Variants in MEMO1 observed in about 807,000 individuals in gnomAD.
The protein encoded by MEMO1 is mediator of cell motility 1.
Under a neutral mutation model 45.2 loss-of-function variants are expected in MEMO1, and 6 were observed. That is an observed-to-expected ratio of 0.13 (90% CI 0.07 to 0.26). The LOEUF (loss-of-function observed/expected upper bound fraction) is 0.26. Among genes scored for constraint, MEMO1 ranks in the 10% least tolerant of loss-of-function variants. The pLI, the probability that MEMO1 is intolerant of heterozygous loss-of-function variation, is 1.00. For missense variants in MEMO1, 184 were observed against 370.5 expected, an observed-to-expected ratio of 0.50 and a Z score of 4.13; for synonymous variants, 78 against 124.3, an observed-to-expected ratio of 0.63 and a Z score of 2.48.
At chr2:31,886,111 T>C (rs1379413597) in intron 7 of MEMO1, among the ~76,000 whole-genome samples, 1 of 152,236 alleles carries the variant, frequency 6.6e-6, no homozygotes, top group Non-Finnish European at 1.5e-5. Context: ...AAATGCCATC[T>C]ACTTTTTGTT....
chr2:31,959,643 A>C (rs62142081), intron 2 of MEMO1, among the ~76,000 whole-genome samples: 35 of 152,330 alleles, frequency 2.3e-4, no homozygotes, highest in African/African-American at 7.9e-4. Context: ...TGGAGAAAGC[A>C]AATGAAAACT....
At chr2:31,897,428 C>T (rs935555667) in intron 6 of MEMO1, among the ~76,000 whole-genome samples, 3 of 152,014 alleles carry the variant, frequency 2.0e-5, no homozygotes, top group Admixed American at 6.6e-5. Context: ...TAGCATGAAG[C>T]GGTATTGAAT....
At chr2:32,001,811 T>C (rs901677318) in intron 2 of MEMO1, among the ~76,000 whole-genome samples, 3 of 152,142 alleles carry the variant, frequency 2.0e-5, no homozygotes, top group Non-Finnish European at 4.4e-5. Flanking sequence ...AAGACTTGCC[T>C]GCATTACCAA....
At chr2:31,975,302 T>C (rs889525067) in intron 2 of MEMO1, among the ~76,000 whole-genome samples, 2 of 152,242 alleles carry the variant, frequency 1.3e-5, no homozygotes, top group African/African-American at 4.8e-5. Flanking sequence ...GGATGATACC[T>C]AAATTATGCA....
chr2:31,950,056 C>T (rs1666656790), intron 2 of MEMO1, among the ~76,000 whole-genome samples: 3 of 152,190 alleles, frequency 2.0e-5, no homozygotes, highest in Admixed American at 2.0e-4. Flanking sequence ...TCATTTTACA[C>T]TTATTGGCAG....
chr2:31,961,618 C>A (rs868848608), intron 2 of MEMO1, among the ~76,000 whole-genome samples: 24 of 146,004 alleles, frequency 1.6e-4, no homozygotes, highest in Middle Eastern at 3.5e-3. Context: ...TAAAAAAAAA[C>A]AAAAAAAAAA....
At chr2:31,906,506 G>A (rs912708771) in intron 6 of MEMO1, among the ~76,000 whole-genome samples, 1 of 151,536 alleles carries the variant, frequency 6.6e-6, no homozygotes, top group Non-Finnish European at 1.5e-5. Flanking sequence ...TGTATCTTTA[G>A]TACAGATGGG....
intron 7 of MEMO1, among the ~76,000 whole-genome samples, chr2:31,887,920 A>C (rs1676426030): frequency 6.6e-6 from 1 of 152,164 alleles, no homozygotes; most frequent in African/African-American, 2.4e-5. Flanking sequence ...TAAAGAAGAA[A>C]TCTGAATGTT....
At chr2:32,001,568 CAGT>C in intron 2 of MEMO1, among the ~76,000 whole-genome samples, 1 of 152,212 alleles carries the variant, frequency 6.6e-6, no homozygotes, top group South Asian at 2.1e-4. Flanking sequence ...ATGGAAAGAA[CAGT>C]AGGCTTCAGC....
intron 2 of MEMO1, among the ~76,000 whole-genome samples, chr2:31,984,968 A>T (rs964242293): frequency 2.0e-5 from 3 of 152,248 alleles, no homozygotes; most frequent in African/African-American, 7.2e-5. Context: ...ACAGTAGGGG[A>T]AAATCGGTGA....
chr2:31,868,542 G>C, intron 9 of MEMO1, 50 bp from the exon 10 acceptor site: 1 of 1,514,230 alleles, frequency 6.6e-7, no homozygotes, highest in Non-Finnish European at 8.8e-7. Flanking sequence ...AAAAAACTGG[G>C]CACTCAATGT....
rs1424248692 is a variant in MEMO1, at chr2:31,998,794, C to G, written c.61+11393G>C. Among the ~76,000 whole-genome samples the G allele has an allele frequency of 4.7e-5, 7 of 149,798 alleles. No individual in the cohort carries two copies. In the South Asian group the frequency reaches 1.5e-3, roughly 32 times the overall value. On this transcript the variant is annotated intron_variant, in intron 2 of 9. Coordinates refer to ENST00000404530, the MANE Select transcript of MEMO1 (RefSeq NM_001301833.4). ...CAGCCCAGGAGACAATGTGAGACTC[C>G]GTCTCAAAAAAAAAAAAAAGAAAAA... is the stretch of plus-strand genomic sequence containing the variant.
At chr2:31,912,642 A>G (rs1680757739) in intron 6 of MEMO1, among the ~76,000 whole-genome samples, 1 of 152,166 alleles carries the variant, frequency 6.6e-6, no homozygotes, top group Non-Finnish European at 1.5e-5. Context: ...ATGCAAAAAA[A>G]CAGAACAAAG....
At chr2:31,914,961 TAAAAAAAAA>T (rs34556047) in intron 6 of MEMO1, among the ~76,000 whole-genome samples, 4 of 120,220 alleles carry the variant, frequency 3.3e-5, no homozygotes, top group African/African-American at 3.2e-5. Context: ...TGTCTCTTTT[TAAAAAAAAA>T]AAAAAAAAAA....
chr2:31,916,702 T>G (rs1681497640), intron 6 of MEMO1, among the ~76,000 whole-genome samples: 1 of 152,210 alleles, frequency 6.6e-6, no homozygotes, highest in Non-Finnish European at 1.5e-5. Context: ...TAGGATGTAT[T>G]AAAAACCCTA....
chr2:31,937,567 C>T (rs556178467), intron 3 of MEMO1, among the ~76,000 whole-genome samples: 23 of 152,276 alleles, frequency 1.5e-4, no homozygotes, highest in African/African-American at 5.3e-4. Flanking sequence ...TCTATATACA[C>T]GCTTTTTAGC....
chr2:31,986,687 C>G (rs1671301303), intron 2 of MEMO1, among the ~76,000 whole-genome samples: 1 of 152,076 alleles, frequency 6.6e-6, no homozygotes, highest in African/African-American at 2.4e-5. Flanking sequence ...TCTCATGGAG[C>G]ATATATTCTA....
chr2:31,975,065 G>A (rs1394938244), intron 2 of MEMO1, among the ~76,000 whole-genome samples: 2 of 151,724 alleles, frequency 1.3e-5, no homozygotes, highest in Non-Finnish European at 1.5e-5. Context: ...CCAGCTACTC[G>A]GGAGGCTGAG....
chr2:31,904,039 C>T lies in MEMO1; in HGVS notation c.438-11905G>A, dbSNP rs541244509. On this transcript the variant is annotated intron_variant, in intron 6 of 9. Coordinates refer to ENST00000404530, the MANE Select transcript of MEMO1 (RefSeq NM_001301833.4). ...GTAAAAATCTTAAGATCCAGTGAAACCTAAGCTATAATAAAGGTTAAGATG... is the reference window on the plus strand; with the variant it reads ...GTAAAAATCTTAAGATCCAGTGAAATCTAAGCTATAATAAAGGTTAAGATG... 1.6e-4 allele frequency among the ~76,000 whole-genome samples: 24 copies of T among 152,270 alleles called. No individual in the cohort carries two copies. The South Asian group carries it at 4.8e-3, about 30-fold the overall frequency.
Sources: gnomAD v4.1 joint callset for allele counts (sites outside exome capture counted in the v4.1 genomes callset) on GRCh38, gnomAD v4.1.1 for gene constraint, MANE v1.5 for transcripts, NCBI Gene and HGNC (gene_info 2026-07-23, HGNC 2026-07-21) for gene names.